Variants in PHF20L1 observed in about 807,000 individuals in gnomAD.
PHF20L1 encodes PHD finger protein 20 like 1, also known as PHD finger protein 20-like protein 1.
A neutral mutation model predicts 125.5 loss-of-function variants in PHF20L1; 44 were observed. That is an observed-to-expected ratio of 0.35 (90% CI 0.28 to 0.45). The LOEUF (loss-of-function observed/expected upper bound fraction) is 0.45. Ranked by LOEUF, PHF20L1 falls within the 20% of genes least tolerant of loss-of-function variation. The pLI, the probability that PHF20L1 is intolerant of heterozygous loss-of-function variation, is 1.00. For missense variants in PHF20L1, 1,012 were observed against 1,217.2 expected (o/e 0.83, Z 2.51); for synonymous variants, 380 against 403.1 (o/e 0.94, Z 0.69).
intron 7 of PHF20L1, 62 bp downstream of exon 7, chr8:132,804,094 A>G (rs1182344922): frequency 2.7e-6 from 3 of 1,097,914 alleles, no homozygotes; most frequent in African/African-American, 3.2e-5. Flanking sequence ...AGTAAAGTCA[A>G]ATCCCTTGGC....
At chr8:132,828,907 A>G (rs1165392145) in intron 14 of PHF20L1, among the ~76,000 whole-genome samples, 2 of 152,098 alleles carry the variant, frequency 1.3e-5, no homozygotes, top group East Asian at 1.9e-4. Context: ...TCATTGAAGT[A>G]TATGGTAAGA....
chr8:132,784,020 C>T (rs7839989), intron 2 of PHF20L1, among the ~76,000 whole-genome samples: 25,687 of 152,116 alleles, frequency 0.17, 2,520 homozygotes, highest in Admixed American at 0.23. Flanking sequence ...TACCAGTGCA[C>T]AAACATTTTA....
rs74626650 is a variant in PHF20L1 at position 132,830,986 on chromosome 8, C to T, written c.1745-1249C>T. ...CGGCCTCCAGTCTATAACAGCACTC[C>T]ATCTTCCTTAAAATCTTCCCCTTAT... On this transcript the variant is annotated intron_variant, in intron 14 of 20. Coordinates refer to ENST00000395386, the MANE Select transcript of PHF20L1 (RefSeq NM_016018.5). Among the ~76,000 whole-genome samples the T allele has an allele frequency of 7.4e-3, 1,127 of 152,112 alleles. 7 individuals are homozygous for T. Among genetic ancestry groups the T allele is most frequent in the Non-Finnish European group, 0.012 (834 of 67,970 alleles).
At chr8:132,839,862 T>C (rs10956684) in intron 18 of PHF20L1, among the ~76,000 whole-genome samples, 1 of 152,274 alleles carries the variant, frequency 6.6e-6, no homozygotes, top group East Asian at 1.9e-4. Flanking sequence ...GCTTACCGTA[T>C]GTGCAAAATT....
At chr8:132,816,109 C>T (rs535829061) in intron 10 of PHF20L1, 3 of 151,882 alleles carry the variant, frequency 2.0e-5, no homozygotes, top group African/African-American at 7.2e-5. Context: ...AATATATTGG[C>T]ATATATAATC....
chr8:132,817,125 A>G, intron 11 of PHF20L1, 49 bp downstream of exon 11: 2 of 1,181,428 alleles, frequency 1.7e-6, no homozygotes, highest in Non-Finnish European at 2.4e-6. Flanking sequence ...GAAGATAAAG[A>G]AAAAACTAAG....
intron 6 of PHF20L1, among the ~76,000 whole-genome samples, chr8:132,802,754 AG>A (rs1563804720): frequency 6.6e-6 from 1 of 151,948 alleles, no homozygotes; most frequent in East Asian, 1.9e-4. Flanking sequence ...TTTTTAAGGC[AG>A]TGTTAATCTA....
At position 132,837,789 on chromosome 8, in the gene PHF20L1, C is replaced by T; in HGVS notation, c.2169C>T (p.Cys723=). 1 of 1,612,462 alleles carries T rather than the reference C, an allele frequency of 6.2e-7. No individual in the cohort carries two copies. The highest frequency in any genetic ancestry group is 1.3e-5 in the African/African-American group (1 of 74,938). ...AGAGCATTCCAGAGCAGTACATCTG[C>T]TATATCTGCCGGGACCCACCAGGTA... ...LEESIPEQYI[C]YICRDPPGQR... The change falls in exon 17 of 21, where the codon TGC becomes TGT. Residue 723 remains cysteine, a synonymous_variant. Transcript: ENST00000395386.
At chr8:132,791,346 C>T (rs1293659014) in intron 2 of PHF20L1, among the ~76,000 whole-genome samples, 2 of 150,730 alleles carry the variant, frequency 1.3e-5, no homozygotes, top group African/African-American at 2.4e-5. Flanking sequence ...CTCTGCCTCC[C>T]GGGTTCAAGC....
At chr8:132,826,288 A>G (rs235444) in intron 14 of PHF20L1, 70,014 of 151,938 alleles carry the variant, frequency 0.46, 16,267 homozygotes, top group South Asian at 0.52. Context: ...AACTAACCAG[A>G]TAGGTAATAG....
At chr8:132,817,758 C>T (rs992818701) in intron 12 of PHF20L1, 8 of 478,048 alleles carry the variant, frequency 1.7e-5, no homozygotes, top group Non-Finnish European at 2.6e-5. Flanking sequence ...ATACATGCTG[C>T]TTAACCTTGT....
At chr8:132,830,630 A>G (rs550252015) in intron 14 of PHF20L1, among the ~76,000 whole-genome samples, 1 of 152,192 alleles carries the variant, frequency 6.6e-6, no homozygotes, top group East Asian at 1.9e-4. Context: ...GACAGACATC[A>G]TCAGGTGGGA....
chr8:132,806,721 A>T (rs1833750565), intron 8 of PHF20L1: 1 of 152,072 alleles, frequency 6.6e-6, no homozygotes, highest in Admixed American at 6.6e-5. Context: ...ATGAGAACTA[A>T]TATAAAATAG....
intron 2 of PHF20L1, among the ~76,000 whole-genome samples, chr8:132,788,441 T>A (rs1174975129): frequency 1.3e-5 from 2 of 152,128 alleles, no homozygotes; most frequent in Non-Finnish European, 1.5e-5. Context: ...ATCCTAAATC[T>A]TTTCGTGAAT....
intron 2 of PHF20L1, among the ~76,000 whole-genome samples, chr8:132,781,163 G>T (rs1456695214): frequency 6.6e-6 from 1 of 152,072 alleles, no homozygotes; most frequent in Non-Finnish European, 1.5e-5. Context: ...ATAGTTTCTG[G>T]TATGTGTCTA....
Position 132,839,390 on chromosome 8 carries a change from A to G in PHF20L1, c.2195A>G (p.Gln732Arg). The G allele has an allele frequency of 6.2e-7, 1 of 1,610,184 alleles. No individual in the cohort carries two copies. ...ICYICRDPPG[Q>R]RWSAKYRYDK... ...TTAATATCAACTTCATCTGCAGGTC[A>G]GAGGTGGAGTGCAAAATATCGTTAT... The change falls in exon 18 of 21, where the codon CAG becomes CGG. Residue 732 changes from glutamine to arginine, a missense_variant. Around this residue, in one of 7 missense-constraint regions of PHF20L1, gnomAD observed 55 missense variants for 114.8 expected, o/e 0.48. Transcript: ENST00000395386.
At chr8:132,816,795 A>C (rs1835038289) in intron 10 of PHF20L1, 93 bp from the exon 11 acceptor site, 5 of 861,732 alleles carry the variant, frequency 5.8e-6, no homozygotes, top group Non-Finnish European at 9.5e-6. Flanking sequence ...CAGAGGGAAG[A>C]ATATAAATCA....
chr8:132,788,364 T>C (rs528053207), intron 2 of PHF20L1, among the ~76,000 whole-genome samples: 2 of 152,266 alleles, frequency 1.3e-5, no homozygotes, highest in South Asian at 2.1e-4. Context: ...GAATAACTTA[T>C]TGAGGCAGTT....
At chr8:132,818,162 A>G (rs867649345) in intron 12 of PHF20L1, 1 of 151,988 alleles carries the variant, frequency 6.6e-6, no homozygotes, top group East Asian at 1.9e-4. Flanking sequence ...AATAATATCT[A>G]TTCATGTTTC....
Sources: gnomAD v4.1 joint callset for allele counts (sites outside exome capture counted in the v4.1 genomes callset) on GRCh38, gnomAD v4.1.1 for gene constraint, gnomAD v4.1.1 regional missense constraint, MANE v1.5 for transcripts, NCBI Gene and HGNC (gene_info 2026-07-23, HGNC 2026-07-21) for gene names.